Variants in AGMO observed in about 807,000 individuals in gnomAD.
The protein encoded by AGMO is glyceryl-ether monooxygenase.
Under a neutral mutation model 60.2 loss-of-function variants are expected in AGMO, and 75 were observed. The ratio of observed to expected loss-of-function variants is 1.25; its 90% CI spans 1.03 to 1.51. The LOEUF (loss-of-function observed/expected upper bound fraction) is 1.51. Among genes scored for constraint, AGMO ranks in the 40% most tolerant of loss-of-function variants. The probability of loss-of-function intolerance (pLI) is 0.00; values close to 1 mark genes in which losing one functional copy is unlikely to be tolerated. For synonymous variants in AGMO, 261 were observed against 177.1 expected, an observed-to-expected ratio of 1.47 and a Z score of -3.76; for missense variants, 763 against 525.5, an observed-to-expected ratio of 1.45 and a Z score of -4.42.
At chr7:15,458,242 T>A (rs1782047705) in intron 3 of AGMO, among the ~76,000 whole-genome samples, 1 of 152,162 alleles carries the variant, frequency 6.6e-6, no homozygotes, top group Non-Finnish European at 1.5e-5. Flanking sequence ...AGAACAAATA[T>A]TTGCAAAGAT....
intron 5 of AGMO, among the ~76,000 whole-genome samples, chr7:15,395,779 A>C (rs1784350219): frequency 6.6e-6 from 1 of 152,226 alleles, no homozygotes; most frequent in South Asian, 2.1e-4. Context: ...TGAAAATAAT[A>C]AATTGCCTAA....
intron 12 of AGMO, among the ~76,000 whole-genome samples, chr7:15,282,228 T>G (rs1173714651): frequency 6.6e-6 from 1 of 151,844 alleles, no homozygotes; most frequent in Admixed American, 6.6e-5. Context: ...CAAACCAAGA[T>G]GAAACCTCTA....
At chr7:15,499,683 A>T (rs1203007717) in intron 3 of AGMO, among the ~76,000 whole-genome samples, 1 of 151,798 alleles carries the variant, frequency 6.6e-6, no homozygotes, top group Non-Finnish European at 1.5e-5. Context: ...TGAATAAGGG[A>T]TATATGCACG....
the AGMO span, among the ~76,000 whole-genome samples, chr7:15,137,868 A>T: frequency 6.6e-6 from 1 of 151,886 alleles, no homozygotes; most frequent in African/African-American, 2.4e-5. Flanking sequence ...GGAGATGAGG[A>T]AACAGGCAAT....
intron 12 of AGMO, among the ~76,000 whole-genome samples, chr7:15,344,079 A>T (rs1173357119): frequency 6.6e-6 from 1 of 152,190 alleles, no homozygotes; most frequent in Admixed American, 6.5e-5. Context: ...TAAAATGTAA[A>T]ATTCCAAGTT....
intron 12 of AGMO, among the ~76,000 whole-genome samples, chr7:15,268,750 A>G (rs1783509020): frequency 6.6e-6 from 1 of 152,028 alleles, no homozygotes; most frequent in South Asian, 2.1e-4. Context: ...GTGGGGGAAT[A>G]TAAGAGAGAG....
the AGMO span, among the ~76,000 whole-genome samples, chr7:15,172,618 C>T: frequency 1.3e-5 from 2 of 152,054 alleles, no homozygotes; most frequent in African/African-American, 4.8e-5. Flanking sequence ...ATTGAAGTTC[C>T]AGTGAGAGAG....
At chr7:15,250,384 T>C (rs1782894249) in intron 12 of AGMO, among the ~76,000 whole-genome samples, 1 of 152,130 alleles carries the variant, frequency 6.6e-6, no homozygotes, top group Non-Finnish European at 1.5e-5. Context: ...TAGCAAAACG[T>C]GTGTAATTAC....
intron 5 of AGMO, among the ~76,000 whole-genome samples, chr7:15,412,684 TAA>T (rs765917941): frequency 4.5e-5 from 5 of 111,340 alleles, no homozygotes; most frequent in Non-Finnish European, 7.3e-5. Flanking sequence ...TTTCATTATT[TAA>T]AAAAAAAAAA....
chr7:15,401,053 AT>A (rs1246602818), intron 5 of AGMO, among the ~76,000 whole-genome samples: 2 of 152,204 alleles, frequency 1.3e-5, no homozygotes, highest in Admixed American at 6.5e-5. Flanking sequence ...TTGATAACCT[AT>A]GTACATGTGA....
chr7:15,251,628 G>A (rs114578813), intron 12 of AGMO, among the ~76,000 whole-genome samples: 2,199 of 152,290 alleles, frequency 0.014, 66 homozygotes, highest in African/African-American at 0.049. Context: ...TAAGCATTTA[G>A]ATTCAATGGA....
the AGMO span, among the ~76,000 whole-genome samples, chr7:15,173,651 T>C: frequency 6.6e-6 from 1 of 152,090 alleles, no homozygotes; most frequent in Non-Finnish European, 1.5e-5. Flanking sequence ...TGTTATACAT[T>C]ATAGAATCAT....
At chr7:15,248,578 C>T (rs1782837581) in intron 12 of AGMO, among the ~76,000 whole-genome samples, 3 of 152,116 alleles carry the variant, frequency 2.0e-5, no homozygotes, top group African/African-American at 4.8e-5. Flanking sequence ...TTTCTACCTG[C>T]TCCTCAACCA....
chr7:15,362,379 G>C (rs940192707), intron 12 of AGMO, among the ~76,000 whole-genome samples: 3 of 152,088 alleles, frequency 2.0e-5, no homozygotes, highest in Admixed American at 2.0e-4. Flanking sequence ...CATCTCACTT[G>C]ACCTCTCAAC....
At chr7:15,427,407 C>A (rs911517049) in intron 4 of AGMO, among the ~76,000 whole-genome samples, 1 of 152,160 alleles carries the variant, frequency 6.6e-6, no homozygotes, top group Admixed American at 6.5e-5. Context: ...TTTGCCACAA[C>A]TAAGAAACCC....
At chr7:15,454,729 T>C (rs1397283750) in intron 3 of AGMO, among the ~76,000 whole-genome samples, 1 of 152,142 alleles carries the variant, frequency 6.6e-6, no homozygotes, top group Non-Finnish European at 1.5e-5. Context: ...ATGATCACCA[T>C]CGTTTCAAAA....
intron 12 of AGMO, among the ~76,000 whole-genome samples, chr7:15,347,573 CAT>C (rs1170309283): frequency 1.3e-5 from 2 of 151,458 alleles, no homozygotes; most frequent in Admixed American, 1.3e-4. Context: ...GAAGATAATT[CAT>C]GACTCAAAAA....
intron 6 of AGMO, 37 bp from the exon 7 acceptor site, chr7:15,390,942 A>C (rs773872098): frequency 7.5e-7 from 1 of 1,329,452 alleles, no homozygotes; most frequent in South Asian, 1.3e-5. Flanking sequence ...TTTTCAGAAA[A>C]ATAGTTATGC....
intron 12 of AGMO, among the ~76,000 whole-genome samples, chr7:15,269,313 G>A (rs926186453): frequency 6.6e-6 from 1 of 152,052 alleles, no homozygotes; most frequent in Non-Finnish European, 1.5e-5. Context: ...AGTGCAAGAA[G>A]ATTAAGGGTG....
Sources: gnomAD v4.1 joint callset for allele counts (sites outside exome capture counted in the v4.1 genomes callset) on GRCh38, gnomAD v4.1.1 for gene constraint, MANE v1.5 for transcripts, NCBI Gene and HGNC (gene_info 2026-07-23, HGNC 2026-07-21) for gene names.